Variants in ATL2 observed in about 807,000 individuals in gnomAD.
The protein encoded by ATL2 is atlastin GTPase 2.
Under a neutral mutation model 73.9 loss-of-function variants are expected in ATL2, and 31 were observed. That is an observed-to-expected ratio of 0.42 (90% CI 0.32 to 0.57). The LOEUF (loss-of-function observed/expected upper bound fraction) is 0.57. Ranked by LOEUF, ATL2 falls within the 20% of genes least tolerant of loss-of-function variation. The probability of loss-of-function intolerance (pLI) is 0.14; values close to 1 mark genes in which losing one functional copy is unlikely to be tolerated. For missense variants in ATL2, 738 were observed against 702.6 expected, an observed-to-expected ratio of 1.05 and a Z score of -0.57; for synonymous variants, 291 against 237.5, an observed-to-expected ratio of 1.23 and a Z score of -2.07.
intron 1 of ATL2, among the ~76,000 whole-genome samples, chr2:38,355,720 C>A (rs956805391): frequency 1.8e-4 from 15 of 84,432 alleles, no homozygotes; most frequent in African/African-American, 6.2e-4. Flanking sequence ...TTTTTTTTTT[C>A]TTTGAGTCTC....
chr2:38,369,192 G>A (rs1172358956), intron 1 of ATL2, among the ~76,000 whole-genome samples: 1 of 152,104 alleles, frequency 6.6e-6, no homozygotes, highest in African/African-American at 2.4e-5. Context: ...CCTCACACCT[G>A]TAATCCCAGC....
intron 2 of ATL2, among the ~76,000 whole-genome samples, chr2:38,319,485 G>C (rs948755926): frequency 2.6e-5 from 4 of 151,882 alleles, no homozygotes; most frequent in African/African-American, 9.7e-5. Context: ...TGTAGTCCCG[G>C]CTACTCAGCA....
At chr2:38,376,560 G>A (rs557882313) in intron 1 of ATL2, 27 of 162,770 alleles carry the variant, frequency 1.7e-4, no homozygotes, top group Non-Finnish European at 3.3e-4. Context: ...CGGGGACAGA[G>A]CCCTGGCCTG....
chr2:38,356,341 G>A (rs941670951), intron 1 of ATL2, among the ~76,000 whole-genome samples: 1 of 151,762 alleles, frequency 6.6e-6, no homozygotes, highest in African/African-American at 2.4e-5. Context: ...CTACAAGCGT[G>A]AGCCAGCTAA....
intron 2 of ATL2, among the ~76,000 whole-genome samples, chr2:38,325,902 TGTTTAAAAAAAAAAA>T (rs1418553210): frequency 1.3e-3 from 71 of 52,852 alleles, no homozygotes; most frequent in African/African-American, 7.9e-3. Flanking sequence ...TTTGTTTGTT[TGTTTAAAAAAAAAAA>T]AAAAAAAAAA....
At position 38,298,315 on chromosome 2, in the gene ATL2, T is replaced by C. The variant is rs1475751452; in HGVS notation, c.1461A>G (p.Ile487Met). 1.9e-6 allele frequency: 3 copies of C among 1,614,068 alleles called. No homozygotes were observed. The highest frequency in any genetic ancestry group is 2.5e-6 in the Non-Finnish European group (3 of 1,180,020). ...TLFAVMFAMY[I>M]ISGLTGFIGL... ...CAATGAAGCCAGTCAGTCCTGAGAT[T>C]ATATACATAGCAAACATGACCGCAA... Residue 487 changes from isoleucine (I) to methionine (M), a missense_variant, in exon 12 of 13, where the codon ATA (isoleucine) becomes ATG (methionine). Ile to Met is a conservative substitution (Grantham distance 10). Coordinates refer to ENST00000378954, the MANE Select transcript of ATL2 (RefSeq NM_001135673.4).
In ATL2 at chr2:38,334,149, C is replaced by T. The variant is rs539817836; in HGVS notation, c.363+9119G>A. Among the ~76,000 whole-genome samples, 43 of 151,120 alleles carry T rather than the reference C, an allele frequency of 2.8e-4. No individual in the cohort carries two copies. In the South Asian group the frequency reaches 3.6e-3, roughly 13 times the overall value. On this transcript the variant is annotated intron_variant, in intron 2 of 12. Coordinates refer to ENST00000378954, the MANE Select transcript of ATL2 (RefSeq NM_001135673.4). Reference sequence around the variant, plus strand: ...GGTTCAAGAGGTTCTCCTGCCTCAGCCTCCTGAGTAGCTGAGATTACAGGC... The same window carrying T: ...GGTTCAAGAGGTTCTCCTGCCTCAGTCTCCTGAGTAGCTGAGATTACAGGC...
intron 4 of ATL2, among the ~76,000 whole-genome samples, chr2:38,316,959 A>G (rs77626215): frequency 0.017 from 2,555 of 152,216 alleles, 67 homozygotes; most frequent in African/African-American, 0.058. Context: ...GGTCCCCACC[A>G]GCGTCACTTA....
chr2:38,365,126 G>C (rs75017053), intron 1 of ATL2, among the ~76,000 whole-genome samples: 1 of 145,756 alleles, frequency 6.9e-6, no homozygotes, highest in African/African-American at 2.6e-5. Flanking sequence ...CAGTTAGCAA[G>C]GGAATCATAC....
chr2:38,296,847 TA>T, intron 12 of ATL2: 1 of 1,204,518 alleles, frequency 8.3e-7, no homozygotes, highest in Non-Finnish European at 1.1e-6. Context: ...TGTTTTGTAA[TA>T]ATGGTACCTC....
At chr2:38,318,485 G>C (rs747810087) in intron 4 of ATL2, 50 bp downstream of exon 4, 6 of 1,368,350 alleles carry the variant, frequency 4.4e-6, no homozygotes, top group Non-Finnish European at 6.0e-6. Context: ...AAAAAAAAAG[G>C]GGCCAAATGA....
chr2:38,308,388 G>T (rs1667566705), intron 9 of ATL2, among the ~76,000 whole-genome samples: 1 of 152,108 alleles, frequency 6.6e-6, no homozygotes, highest in African/African-American at 2.4e-5. Context: ...CTTATTTGTG[G>T]GAGCTAAAAA....
intron 1 of ATL2, among the ~76,000 whole-genome samples, chr2:38,365,957 G>C (rs116256341): frequency 1.1e-5 from 1 of 93,176 alleles, no homozygotes; most frequent in Non-Finnish European, 2.5e-5. Flanking sequence ...CAAAAAAAAA[G>C]AGGTAAGTAT....
intron 1 of ATL2, chr2:38,353,963 T>C: frequency 5.2e-6 from 1 of 191,628 alleles, no homozygotes; most frequent in South Asian, 6.5e-5. Flanking sequence ...GCGGCCAAGG[T>C]GGGCAGATCA....
intron 9 of ATL2, among the ~76,000 whole-genome samples, chr2:38,303,349 G>A (rs914455048): frequency 4.6e-5 from 7 of 152,084 alleles, no homozygotes; most frequent in Admixed American, 1.3e-4. Context: ...GGGACTACAC[G>A]CGTGCGCCAT....
At chr2:38,370,140 G>A (rs1180191767) in intron 1 of ATL2, among the ~76,000 whole-genome samples, 9 of 128,402 alleles carry the variant, frequency 7.0e-5, no homozygotes, top group African/African-American at 1.7e-4. Flanking sequence ...GGGCGACAGC[G>A]AGACTCCGTC....
rs771917196 is a variant in ATL2 at position 38,341,460 on chromosome 2, G to A, written c.363+1808C>T. Among the ~76,000 whole-genome samples the A allele has an allele frequency of 1.1e-4, 17 of 152,040 alleles. No individual in the cohort carries two copies. In the South Asian group the frequency reaches 1.5e-3, roughly 13 times the overall value. On this transcript the variant is annotated intron_variant, in intron 2 of 12. Coordinates refer to ENST00000378954, the MANE Select transcript of ATL2 (RefSeq NM_001135673.4). ...AAGACCAGCCTGGACAACATAGTGA[G>A]AACCCCATCTTTACAAAAAATTTAA...
chr2:38,326,954 C>T (rs543764331), intron 2 of ATL2, among the ~76,000 whole-genome samples: 1 of 152,102 alleles, frequency 6.6e-6, no homozygotes, highest in East Asian at 1.9e-4. Flanking sequence ...CACCACTGCA[C>T]TCCAGCCTGG....
Position 38,374,183 on chromosome 2 carries a change from C to T in ATL2, c.118+2960G>A, listed in dbSNP as rs560377478. Among the ~76,000 whole-genome samples, 170 of 152,318 alleles carry T rather than the reference C, an allele frequency of 1.1e-3. 1 individual carries two copies. The highest frequency in any genetic ancestry group is 3.9e-3 in the African/African-American group (164 of 41,584). On this transcript the variant is annotated intron_variant, in intron 1 of 12. Transcript: ENST00000378954. ...CTGGGATTACAGGCGTGAGCCACCG[C>T]ACTCAGCCTGCTATCCATTTTTAAA...
Sources: gnomAD v4.1 joint callset for allele counts (sites outside exome capture counted in the v4.1 genomes callset) on GRCh38, gnomAD v4.1.1 for gene constraint, MANE v1.5 for transcripts, NCBI Gene and HGNC (gene_info 2026-07-23, HGNC 2026-07-21) for gene names.